FBXL7: variants seen among roughly 807,000 people sequenced by gnomAD.
FBXL7 encodes F-box and leucine rich repeat protein 7, also known as F-box/LRR-repeat protein 7.
In FBXL7, 12 loss-of-function variants were observed where a neutral mutation model predicts 38.3. The ratio of observed to expected loss-of-function variants is 0.31; its 90% confidence interval spans 0.20 to 0.51. The LOEUF (loss-of-function observed/expected upper bound fraction) is 0.51, where lower values mean the gene tolerates loss of function less well. FBXL7 is among the 20% of genes least tolerant of loss of function. FBXL7 has a pLI of 0.98. For missense variants in FBXL7, 567 were observed against 676.4 expected (o/e 0.84, Z 1.79); for synonymous variants, 297 against 300.9 (o/e 0.99, Z 0.13).
At position 15,927,895 on chromosome 5, in the gene FBXL7, G is replaced by A; in HGVS notation, c.133G>A (p.Asp45Asn). ...QKNVATSEDS[D>N]LSMRTLSTPS... The stretch of plus-strand genomic sequence containing the variant: ...TGTTCTCTGTCCTTTGCCAGACTCC[G>A]ACCTGAGCATGCGCACACTGAGCAC... Residue 45 changes from aspartate to asparagine, a missense_variant, in exon 3 of 4, where the codon GAC (aspartate) becomes AAC (asparagine). By Grantham distance (23) the Asp-to-Asn change is conservative. Coordinates refer to ENST00000504595, the MANE Select transcript of FBXL7 (RefSeq NM_012304.5). 6.6e-7 allele frequency: 1 copy of A among 1,518,678 alleles called. No individual in the cohort carries two copies. The highest frequency in any genetic ancestry group is 1.3e-5 in the South Asian group (1 of 75,480). The allele number at this position is 1,518,678 out of a possible 1,614,324, so 94.1% of individuals were successfully genotyped here. A position where few individuals can be genotyped will look rare whatever the true frequency, so the allele number is the denominator to read the frequency against.
intron 2 of FBXL7, among the ~76,000 whole-genome samples, chr5:15,721,415 T>C (rs2126652595): frequency 6.6e-6 from 1 of 152,262 alleles, no homozygotes. Flanking sequence ...GGAAGTGCCC[T>C]GCCAAAAATC....
chr5:15,652,646 A>C (rs1741748971), intron 2 of FBXL7, among the ~76,000 whole-genome samples: 1 of 152,196 alleles, frequency 6.6e-6, no homozygotes, highest in South Asian at 2.1e-4. Context: ...CATATCTTCA[A>C]GTGAAAGATG....
At chr5:15,707,474 T>G (rs1305436595) in intron 2 of FBXL7, among the ~76,000 whole-genome samples, 1 of 152,170 alleles carries the variant, frequency 6.6e-6, no homozygotes, top group East Asian at 1.9e-4. Flanking sequence ...ACACCTAGCC[T>G]GGCCAGGGCT....
intron 2 of FBXL7, among the ~76,000 whole-genome samples, chr5:15,728,479 G>C (rs1002242401): frequency 6.6e-6 from 1 of 152,090 alleles, no homozygotes; most frequent in East Asian, 1.9e-4. Context: ...CTCTAAGTCT[G>C]TTCTCACAAA....
rs189829983 is a variant in FBXL7, at chr5:15,763,398, T to G, written c.127+147326T>G. The stretch of plus-strand genomic sequence containing the variant: ...ATTTACATAAATAAGTGTGTTAGAA[T>G]TTTTGAAACGTAAGAAGATACAGGC... On this transcript the variant is annotated intron_variant, in intron 2 of 3. Transcript: ENST00000504595. Among the ~76,000 whole-genome samples, 72 of 152,344 alleles carry G rather than the reference T, an allele frequency of 4.7e-4. 1 individual carries two copies. Among genetic ancestry groups the G allele is most frequent in the African/African-American group, 1.6e-3 (68 of 41,576 alleles).
intron 1 of FBXL7, among the ~76,000 whole-genome samples, chr5:15,526,461 C>A (rs186679228): frequency 6.6e-6 from 1 of 152,238 alleles, no homozygotes; most frequent in Admixed American, 6.5e-5. Context: ...CTTTCGGTTG[C>A]CCTTAAAGCT....
chr5:15,635,753 A>T (rs1741158570), intron 2 of FBXL7, among the ~76,000 whole-genome samples: 1 of 152,150 alleles, frequency 6.6e-6, no homozygotes, highest in Admixed American at 6.5e-5. Flanking sequence ...ATTTATTCTA[A>T]GAGCCAACAC....
At chr5:15,580,802 C>T in intron 1 of FBXL7, 2 of 985,386 alleles carry the variant, frequency 2.0e-6, no homozygotes, top group Non-Finnish European at 2.4e-6. Context: ...TGGTCTATCT[C>T]AGTTGCCCAG....
intron 2 of FBXL7, among the ~76,000 whole-genome samples, chr5:15,769,674 G>C (rs1736678515): frequency 6.6e-6 from 1 of 151,872 alleles, no homozygotes; most frequent in African/African-American, 2.4e-5. Flanking sequence ...TATCTAGACT[G>C]GAAGAGGTGA....
At position 15,605,500 on chromosome 5, in the gene FBXL7, G is replaced by GT. The variant is rs552013769; in HGVS notation, c.38-10482dup. Reference sequence around the variant, plus strand: ...CTAGATACAGAAGAAATAATATCGTGTAATTCCACTTGTATGAAATATCTA... The same window carrying GT: ...CTAGATACAGAAGAAATAATATCGTGTTAATTCCACTTGTATGAAATATCTA... On this transcript the variant is annotated intron_variant, in intron 1 of 3. Coordinates refer to ENST00000504595, the MANE Select transcript of FBXL7 (RefSeq NM_012304.5). Among the ~76,000 whole-genome samples, 82 of 152,294 alleles carry GT rather than the reference G, an allele frequency of 5.4e-4. 1 individual carries two copies. The South Asian group carries it at 0.016, about 30-fold the overall frequency.
intron 1 of FBXL7, among the ~76,000 whole-genome samples, chr5:15,572,387 TAAAAAAAA>T (rs61523559): frequency 1.8e-5 from 2 of 110,554 alleles, no homozygotes; most frequent in African/African-American, 6.6e-5. Context: ...TGGTTTCTGC[TAAAAAAAA>T]AAAAAAAAAA....
rs1320683123 is a variant in FBXL7 at position 15,937,825 on chromosome 5, G to A, written c.*639G>A. 9.8e-5 allele frequency: 15 copies of A among 152,398 alleles called. No individual in the cohort carries two copies. The highest frequency in any genetic ancestry group is 2.2e-4 in the Non-Finnish European group (15 of 68,266). 9.4% of individuals were successfully genotyped at this position (152,398 alleles called of 1,614,324 possible). On this transcript the variant is annotated 3_prime_UTR_variant, in exon 4 of 4. Coordinates refer to ENST00000504595, the MANE Select transcript of FBXL7 (RefSeq NM_012304.5). ...GTCAATGACTATGACCTTGGCCAAA[G>A]CACTTCACTGCTCTGGGCTGCAGCT...
At chr5:15,846,256 A>G (rs1161867823) in intron 2 of FBXL7, among the ~76,000 whole-genome samples, 3 of 152,214 alleles carry the variant, frequency 2.0e-5, no homozygotes, top group African/African-American at 7.2e-5. Flanking sequence ...CTCATCTTCT[A>G]ATGTTTGAAG....
chr5:15,860,938 G>A (rs575462341), intron 2 of FBXL7, among the ~76,000 whole-genome samples: 26 of 152,256 alleles, frequency 1.7e-4, no homozygotes, highest in South Asian at 8.3e-4. Flanking sequence ...TGGTGGAACC[G>A]CAGTTCTTAT....
At chr5:15,526,525 A>G (rs1737255119) in intron 1 of FBXL7, among the ~76,000 whole-genome samples, 1 of 152,184 alleles carries the variant, frequency 6.6e-6, no homozygotes, top group South Asian at 2.1e-4. Flanking sequence ...TAATCAGTGT[A>G]AAACAGTGAG....
intron 3 of FBXL7, among the ~76,000 whole-genome samples, chr5:15,929,421 C>T (rs1346753023): frequency 1.3e-5 from 2 of 152,210 alleles, no homozygotes; most frequent in East Asian, 3.9e-4. Context: ...GAGTTAGAGA[C>T]GAGCCTGAGC....
At chr5:15,751,641 C>A (rs995421685) in intron 2 of FBXL7, among the ~76,000 whole-genome samples, 8 of 152,046 alleles carry the variant, frequency 5.3e-5, no homozygotes, top group African/African-American at 1.4e-4. Context: ...GGAGAGGGAA[C>A]CTTACCATAG....
At chr5:15,675,728 G>A (rs965055098) in intron 2 of FBXL7, among the ~76,000 whole-genome samples, 2 of 152,140 alleles carry the variant, frequency 1.3e-5, no homozygotes, top group Non-Finnish European at 2.9e-5. Context: ...ATCTTACTAA[G>A]GATGCAATTT....
chr5:15,644,437 T>G (rs1391889830), intron 2 of FBXL7, among the ~76,000 whole-genome samples: 2 of 151,880 alleles, frequency 1.3e-5, no homozygotes, highest in Non-Finnish European at 2.9e-5. Flanking sequence ...ATTGCGTCAC[T>G]GCACTCCAGC....
Sources: allele counts gnomAD v4.1 joint callset (sites outside exome capture counted in the v4.1 genomes callset), GRCh38; gene constraint gnomAD v4.1.1; transcripts MANE v1.5; gene names NCBI Gene and HGNC (gene_info 2026-07-23, HGNC 2026-07-21).